Variants in PBRM1 observed in about 807,000 individuals in gnomAD.
PBRM1 encodes protein polybromo-1.
Under a neutral mutation model 194.5 loss-of-function variants are expected in PBRM1, and 27 were observed. That is an observed-to-expected ratio of 0.14 (90% CI 0.10 to 0.19). PBRM1 has a LOEUF of 0.19. Ranked by LOEUF, PBRM1 falls within the 10% of genes least tolerant of loss-of-function variation. PBRM1 has a pLI of 1.00. For synonymous variants in PBRM1, 655 were observed against 693.2 expected (o/e 0.94, Z 0.87); for missense variants, 1,466 against 2,077.2 (o/e 0.71, Z 5.72).
intron 1 of PBRM1, chr3:52,684,718 CCA>C (rs1578516570): frequency 6.6e-6 from 1 of 152,266 alleles, no homozygotes; most frequent in East Asian, 1.9e-4. Context: ...TATAGATACA[CCA>C]CAATTTACTT....
intron 17 of PBRM1, among the ~76,000 whole-genome samples, chr3:52,597,970 C>T (rs2093697874): frequency 6.6e-6 from 1 of 152,158 alleles, no homozygotes; most frequent in African/African-American, 2.4e-5. Flanking sequence ...TTCCAAAGTG[C>T]TGGGATTACA....
At position 52,648,721 on chromosome 3, in the gene PBRM1, T is replaced by C. The variant is rs796454647; in HGVS notation, c.715-279A>G. Reference sequence around the variant, plus strand: ...AAAGTCAAATAAGGTAGAAGTTTTATTTTACAAACACATAGTGCTTACTAT... The same window carrying C: ...AAAGTCAAATAAGGTAGAAGTTTTACTTTACAAACACATAGTGCTTACTAT... On this transcript the variant is annotated intron_variant, in intron 6 of 29. Transcript: ENST00000296302. 8.5e-5 allele frequency among the ~76,000 whole-genome samples: 13 copies of C among 152,364 alleles called. No homozygotes were observed. The East Asian group carries it at 1.9e-3, about 23-fold the overall frequency.
In PBRM1 at chr3:52,580,354, TTTG is replaced by T. The variant is rs200564021; in HGVS notation, c.3388-1158_3388-1156del. Among the ~76,000 whole-genome samples the T allele has an allele frequency of 3.1e-3, 467 of 152,212 alleles. 7 individuals are homozygous for T. The highest frequency in any genetic ancestry group is 0.018 in the Admixed American group (275 of 15,284). On this transcript the variant is annotated intron_variant, in intron 20 of 29. Transcript: ENST00000296302. ...GCCTCTGTGATATAAACATGCTTTT[TTTG>T]TTGTTGTTGTTGTTTTTTTGAGACA...
chr3:52,579,299 A>G (rs974730108), intron 20 of PBRM1, 100 bp from the exon 23 acceptor site: 30 of 1,138,576 alleles, frequency 2.6e-5, no homozygotes, highest in Non-Finnish European at 3.8e-5. Context: ...AACTTAAAAG[A>G]AAAAACCACC....
chr3:52,627,235 G>C (rs1286126208), intron 13 of PBRM1, 38 bp downstream of exon 14: 7 of 1,117,058 alleles, frequency 6.3e-6, no homozygotes, highest in Non-Finnish European at 8.0e-6. Context: ...AAAATTAACA[G>C]GAACTGAGAT....
chr3:52,581,726 C>A (rs1440480800), intron 20 of PBRM1, among the ~76,000 whole-genome samples: 2 of 151,862 alleles, frequency 1.3e-5, no homozygotes, highest in Admixed American at 1.3e-4. Context: ...CAACCTCTCC[C>A]TCCTGGGTTC....
upstream of PBRM1, among the ~76,000 whole-genome samples, chr3:52,680,626 T>C (rs1320163577): frequency 6.6e-6 from 1 of 152,172 alleles, no homozygotes; most frequent in Non-Finnish European, 1.5e-5. Context: ...TACTATCAAA[T>C]AGTATATTGT....
chr3:52,548,487 C>T lies in PBRM1; in HGVS notation c.4898-252G>A, dbSNP rs576670047. On this transcript the variant is annotated intron_variant, in intron 29 of 29. Transcript: ENST00000296302. The stretch of plus-strand genomic sequence containing the variant: ...TGTCGCCCTCGCTGGAGTGCAGTGG[C>T]GCGATCTCAGCTCACTGCAACCTCT... Among the ~76,000 whole-genome samples, 11 of 150,994 alleles carry T rather than the reference C, an allele frequency of 7.3e-5. 1 individual carries two copies. In the South Asian group the frequency reaches 1.9e-3, roughly 26 times the overall value.
chr3:52,608,756 G>A (rs1295872164), intron 16 of PBRM1, among the ~76,000 whole-genome samples: 2 of 151,164 alleles, frequency 1.3e-5, no homozygotes, highest in Non-Finnish European at 1.5e-5. Flanking sequence ...ATAAAAATTA[G>A]AAGGAAATTT....
chr3:52,617,623 T>C, intron 13 of PBRM1, 85 bp from the exon 16 acceptor site: 1 of 911,704 alleles, frequency 1.1e-6, no homozygotes, highest in Non-Finnish European at 1.7e-6. Flanking sequence ...TAAAACAAAT[T>C]ATTTATGGTG....
upstream of PBRM1, among the ~76,000 whole-genome samples, chr3:52,683,108 C>T (rs1214826601): frequency 6.6e-6 from 1 of 151,864 alleles, no homozygotes; most frequent in East Asian, 1.9e-4. Context: ...GAGACTGAGG[C>T]AGGAGAATCG....
intron 5 of PBRM1, among the ~76,000 whole-genome samples, chr3:52,652,379 C>T (rs192861001): frequency 8.6e-5 from 11 of 128,610 alleles, no homozygotes; most frequent in East Asian, 7.9e-4. Flanking sequence ...AAAGAGACTT[C>T]GTCTCAAAAA....
chr3:52,652,530 T>C (rs934444873), intron 5 of PBRM1, among the ~76,000 whole-genome samples: 3 of 144,560 alleles, frequency 2.1e-5, no homozygotes, highest in African/African-American at 7.8e-5. Flanking sequence ...CTACTAAAAA[T>C]AGAAAAAAAA....
At chr3:52,574,922 A>G (rs564003808) in intron 22 of PBRM1, among the ~76,000 whole-genome samples, 1 of 152,308 alleles carries the variant, frequency 6.6e-6, no homozygotes, top group Non-Finnish European at 1.5e-5. Context: ...ATTTTTTGAG[A>G]CAGGGTCTCA....
chr3:52,570,752 T>A (rs1021551846), intron 22 of PBRM1, among the ~76,000 whole-genome samples: 1 of 152,258 alleles, frequency 6.6e-6, no homozygotes, highest in African/African-American at 2.4e-5. Context: ...CTTTTTAATA[T>A]TGAATTTTCC....
At chr3:52,608,846 G>C (rs2094475347) in intron 16 of PBRM1, among the ~76,000 whole-genome samples, 1 of 150,612 alleles carries the variant, frequency 6.6e-6, no homozygotes, top group Admixed American at 6.6e-5. Flanking sequence ...TGAGAAACCT[G>C]AGATTAAAAA....
intron 4 of PBRM1, among the ~76,000 whole-genome samples, chr3:52,661,206 G>C (rs1184436969): frequency 6.6e-6 from 1 of 151,960 alleles, no homozygotes; most frequent in African/African-American, 2.4e-5. Flanking sequence ...TGTATTTTTG[G>C]TAGAGACAGG....
At chr3:52,678,449 T>C (rs1578350172) in intron 2 of PBRM1, 51 bp downstream of exon 3, 3 of 1,187,990 alleles carry the variant, frequency 2.5e-6, no homozygotes, top group Non-Finnish European at 3.8e-6. Context: ...TTAATACACA[T>C]GGACTCTGGA....
At chr3:52,579,758 T>C (rs1293975301) in intron 20 of PBRM1, among the ~76,000 whole-genome samples, 2 of 152,252 alleles carry the variant, frequency 1.3e-5, no homozygotes, top group African/African-American at 4.8e-5. Flanking sequence ...TATCCCAAGA[T>C]GCTTTTATCC....
Sources: gnomAD v4.1 joint callset for allele counts (sites outside exome capture counted in the v4.1 genomes callset) on GRCh38, gnomAD v4.1.1 for gene constraint, MANE v1.5 for transcripts, NCBI Gene and HGNC (gene_info 2026-07-23, HGNC 2026-07-21) for gene names.